The following ARHGAP6 variants were observed in gnomAD, a reference collection of about 807,000 sequenced individuals.
ARHGAP6 encodes Rho GTPase activating protein 6.
Under a neutral mutation model 55.7 loss-of-function variants are expected in ARHGAP6, and 16 were observed. That is an observed-to-expected ratio of 0.29 (90% CI 0.19 to 0.44). ARHGAP6 has a LOEUF of 0.44. Among genes scored for constraint, ARHGAP6 ranks in the 20% least tolerant of loss-of-function variants. The pLI is 1.00. For synonymous variants in ARHGAP6, 382 were observed against 360.9 expected (o/e 1.06, Z -0.66); for missense variants, 698 against 808.9 (o/e 0.86, Z 1.66).
At chrX:11,522,610 C>G (rs921550009) in intron 1 of ARHGAP6, among the ~76,000 whole-genome samples, 10 of 111,863 alleles carry the variant, frequency 8.9e-5, no homozygotes, top group South Asian at 3.8e-4. Context: ...ATAAACACCT[C>G]TATGCAAATA....
chrX:11,546,014 T>C (rs1246293068), intron 1 of ARHGAP6, among the ~76,000 whole-genome samples: 2 of 110,919 alleles, frequency 1.8e-5, no homozygotes, highest in Admixed American at 9.7e-5. Context: ...TTTGAAGTCC[T>C]GCCTTCAAAA....
chrX:11,479,814 T>C (rs1449090393), intron 1 of ARHGAP6, among the ~76,000 whole-genome samples: 6 of 111,447 alleles, frequency 5.4e-5, no homozygotes, highest in Admixed American at 9.5e-5. Context: ...ATTTGGTTCT[T>C]AAATTCACTG....
chrX:11,429,390 A>G (rs916708564), intron 1 of ARHGAP6, among the ~76,000 whole-genome samples: 1 of 112,260 alleles, frequency 8.9e-6, no homozygotes, highest in African/African-American at 3.2e-5. Context: ...GAAATGATCT[A>G]TATCTTGATC....
intron 2 of ARHGAP6, among the ~76,000 whole-genome samples, chrX:11,199,829 G>A (rs1017212741): frequency 8.9e-6 from 1 of 112,179 alleles, no homozygotes; most frequent in African/African-American, 3.2e-5. Context: ...GATGGATGAC[G>A]TGCAATAATG....
chrX:11,221,941 A>C (rs1193815177), intron 2 of ARHGAP6, among the ~76,000 whole-genome samples: 3 of 110,725 alleles, frequency 2.7e-5, no homozygotes, highest in Non-Finnish European at 5.7e-5. Context: ...TCCTGTCCAT[A>C]TGTACTCAGA....
intron 10 of ARHGAP6, among the ~76,000 whole-genome samples, chrX:11,149,032 C>T (rs2045737849): frequency 8.9e-6 from 1 of 111,979 alleles, no homozygotes; most frequent in African/African-American, 3.3e-5. Flanking sequence ...AAAGGTACCC[C>T]ACTTCAAAGA....
chrX:11,516,306 G>A (rs1274082664), intron 1 of ARHGAP6, among the ~76,000 whole-genome samples: 2 of 111,585 alleles, frequency 1.8e-5, no homozygotes, highest in Non-Finnish European at 3.8e-5. Flanking sequence ...GTTCAGTAGC[G>A]TTAAGTACTT....
At chrX:11,427,197 C>A (rs889200535) in intron 1 of ARHGAP6, among the ~76,000 whole-genome samples, 1 of 111,524 alleles carries the variant, frequency 9.0e-6, no homozygotes, top group Non-Finnish European at 1.9e-5. Context: ...TTCAACATAT[C>A]TGACTGAAGG....
chrX:11,644,192 G>T (rs1199718260), intron 1 of ARHGAP6, among the ~76,000 whole-genome samples: 5 of 111,152 alleles, frequency 4.5e-5, no homozygotes, highest in African/African-American at 1.6e-4. Context: ...GAGAGGCCCA[G>T]AACCAAGCTT....
intron 1 of ARHGAP6, among the ~76,000 whole-genome samples, chrX:11,491,602 C>G (rs1424502217): frequency 1.8e-5 from 2 of 110,790 alleles, no homozygotes; most frequent in African/African-American, 3.3e-5. Context: ...TTTTCTTAAT[C>G]CAGTCTATCA....
At chrX:11,228,514 C>T (rs2047086232) in intron 2 of ARHGAP6, among the ~76,000 whole-genome samples, 1 of 111,495 alleles carries the variant, frequency 9.0e-6, no homozygotes, top group African/African-American at 3.3e-5. Context: ...GTATTGAGGA[C>T]TTGGAAGAGT....
chrX:11,141,150 GAATATA>G (rs996565201), intron 12 of ARHGAP6, among the ~76,000 whole-genome samples: 1 of 110,463 alleles, frequency 9.1e-6, no homozygotes, highest in Admixed American at 9.7e-5. Context: ...ATGAGAAAGG[GAATATA>G]AATATAAATA....
At chrX:11,275,159 C>G (rs1437904280) in intron 1 of ARHGAP6, among the ~76,000 whole-genome samples, 1 of 111,673 alleles carries the variant, frequency 9.0e-6, no homozygotes, top group Non-Finnish European at 1.9e-5. Flanking sequence ...ATTTAACTAT[C>G]TCTACATCTA....
chrX:11,373,134 C>G (rs772304054), intron 1 of ARHGAP6, among the ~76,000 whole-genome samples: 1 of 107,372 alleles, frequency 9.3e-6, no homozygotes, highest in African/African-American at 3.4e-5. Flanking sequence ...TATATATATA[C>G]TTTTAAAATT....
intron 1 of ARHGAP6, among the ~76,000 whole-genome samples, chrX:11,608,851 T>C (rs943552311): frequency 8.1e-5 from 9 of 111,388 alleles, no homozygotes; most frequent in African/African-American, 2.9e-4. Context: ...TCCCCAGCCA[T>C]GTGGAAATGT....
At chrX:11,459,609 A>G (rs1271796739) in intron 1 of ARHGAP6, among the ~76,000 whole-genome samples, 4 of 111,885 alleles carry the variant, frequency 3.6e-5, no homozygotes, top group Non-Finnish European at 7.5e-5. Context: ...AAATTCATCC[A>G]TTTGTACACT....
At chrX:11,352,610 G>A (rs1315638730) in intron 1 of ARHGAP6, among the ~76,000 whole-genome samples, 5 of 111,803 alleles carry the variant, frequency 4.5e-5, no homozygotes, top group Non-Finnish European at 9.4e-5. Flanking sequence ...TGTCCTCCAT[G>A]TAGGGGGTCA....
chrX:11,585,499 T>C (rs146008521), intron 1 of ARHGAP6, among the ~76,000 whole-genome samples: 39 of 112,468 alleles, frequency 3.5e-4, no homozygotes, highest in African/African-American at 1.3e-3. Context: ...TATCTAATTG[T>C]GGTTTTGATT....
intron 2 of ARHGAP6, among the ~76,000 whole-genome samples, chrX:11,236,217 C>A (rs1447646838): frequency 8.9e-6 from 1 of 111,772 alleles, no homozygotes; most frequent in Non-Finnish European, 1.9e-5. Context: ...GCAAACATGT[C>A]ATTCTTCACA....
Sources: gnomAD v4.1 joint callset for allele counts (sites outside exome capture counted in the v4.1 genomes callset) on GRCh38, gnomAD v4.1.1 for gene constraint, MANE v1.5 for transcripts, NCBI Gene and HGNC (gene_info 2026-07-23, HGNC 2026-07-21) for gene names.